Variants in OPTN observed in about 807,000 individuals in gnomAD.
OPTN encodes optineurin.
In OPTN, 54 loss-of-function variants were observed where a neutral mutation model predicts 70.4. That is an observed-to-expected ratio of 0.77 (90% confidence interval 0.62 to 0.96). The LOEUF is 0.96. Among genes scored for constraint, OPTN ranks in the 40% least tolerant of loss-of-function variants. OPTN has a pLI of 0.00. For missense variants in OPTN, 624 were observed against 673.2 expected (o/e 0.93, Z 0.81); for synonymous variants, 256 against 248.5 (o/e 1.03, Z -0.28).
chr10:13,115,476 TA>T (rs1564359887), intron 5 of OPTN, among the ~76,000 whole-genome samples: 8 of 101,932 alleles, frequency 7.8e-5, no homozygotes, highest in African/African-American at 2.6e-4. Context: ...ATAGAATATA[TA>T]TAATATATTC....
intron 14 of OPTN, among the ~76,000 whole-genome samples, chr10:13,134,123 T>C (rs915281537): frequency 6.6e-6 from 1 of 152,250 alleles, no homozygotes; most frequent in Admixed American, 6.5e-5. Context: ...GCCACACTTT[T>C]AAACCGTGTC....
intron 14 of OPTN, among the ~76,000 whole-genome samples, chr10:13,133,883 A>G (rs1588454298): frequency 1.3e-5 from 2 of 151,854 alleles, no homozygotes; most frequent in African/African-American, 4.8e-5. Context: ...ATCTCGGCTC[A>G]CTGCAACCTC....
At chr10:13,115,641 T>TTA (rs1209661129) in intron 5 of OPTN, among the ~76,000 whole-genome samples, 2 of 139,704 alleles carry the variant, frequency 1.4e-5, no homozygotes, top group Non-Finnish European at 1.5e-5. Context: ...TCTAAATATA[T>TTA]TATATATATA....
At chr10:13,136,032 T>C (rs935145149) in intron 14 of OPTN, among the ~76,000 whole-genome samples, 1 of 151,752 alleles carries the variant, frequency 6.6e-6, no homozygotes, top group African/African-American at 2.4e-5. Flanking sequence ...ACAAAAATTT[T>C]AAAAACTAGC....
intron 10 of OPTN, 39 bp downstream of exon 10, chr10:13,125,606 G>A (rs1588447772): frequency 6.2e-7 from 1 of 1,612,356 alleles, no homozygotes; most frequent in Non-Finnish European, 8.5e-7. Flanking sequence ...ACGGGGCAGA[G>A]GAGGGAGAAT....
Position 13,127,792 on chromosome 10 carries a change from G to A in OPTN, c.1290G>A (p.Leu430=). The change falls in exon 12 of 15, where the codon CTG becomes CTA. Residue 430 remains leucine (L), a synonymous_variant. Transcript: ENST00000378747. ...RAVLKELSEK[L]ELAEKALASK... ...TGCTGAAGGAACTGAGTGAAAAACT[G>A]GAACTGGCAGAGAAGGCTCTGGCTT... The A allele has an allele frequency of 6.2e-7, 1 of 1,614,158 alleles. No homozygotes were observed. Among genetic ancestry groups the A allele is most frequent in the Non-Finnish European group, 8.5e-7 (1 of 1,180,014 alleles).
At chr10:13,126,207 CAT>C (rs1833456437) in intron 11 of OPTN, among the ~76,000 whole-genome samples, 168 bp downstream of exon 11, 1 of 151,856 alleles carries the variant, frequency 6.6e-6, no homozygotes, top group Non-Finnish European at 1.5e-5. Flanking sequence ...TGATGTTCCA[CAT>C]ATGTGTAATG....
chr10:13,124,566 TTG>T (rs1287163608), intron 9 of OPTN, among the ~76,000 whole-genome samples: 1 of 152,354 alleles, frequency 6.6e-6, no homozygotes, highest in East Asian at 1.9e-4. Context: ...TGGCATTTGC[TTG>T]TTTCTCTTGA....
chr10:13,104,116 T>A (rs1011826550), intron 1 of OPTN, among the ~76,000 whole-genome samples: 2 of 152,204 alleles, frequency 1.3e-5, no homozygotes, highest in African/African-American at 4.8e-5. Flanking sequence ...GAATGAAGCT[T>A]TCTGTAACTG....
rs907256906 is a variant in OPTN, at chr10:13,138,155, G to C, written c.*1289G>C. ...GTGTGAGTTAGAAGTCATTCTTGCT[G>C]AGAAGGTGAATAGGTAGGGATTTGC... On this transcript the variant is annotated 3_prime_UTR_variant, in exon 15 of 15. Coordinates refer to ENST00000378747, the MANE Select transcript of OPTN (RefSeq NM_001008212.2). 5.1e-6 allele frequency: 1 copy of C among 195,306 alleles called. No homozygotes were observed. The highest frequency in any genetic ancestry group is 1.1e-5 in the Non-Finnish European group (1 of 93,972). 12.1% of individuals were successfully genotyped at this position (195,306 alleles called of 1,614,324 possible).
At chr10:13,103,757 C>G (rs866203893) in intron 1 of OPTN, among the ~76,000 whole-genome samples, 2 of 151,552 alleles carry the variant, frequency 1.3e-5, no homozygotes, top group African/African-American at 4.9e-5. Flanking sequence ...CACACACACA[C>G]ACACACACAC....
chr10:13,121,593 G>A (rs1377412993), intron 7 of OPTN, among the ~76,000 whole-genome samples: 1 of 149,972 alleles, frequency 6.7e-6, no homozygotes, highest in Non-Finnish European at 1.5e-5. Flanking sequence ...GGAAAGCTAA[G>A]GCCCCACCTT....
intron 8 of OPTN, 148 bp downstream of exon 8, chr10:13,122,635 G>A: frequency 1.4e-6 from 1 of 710,640 alleles, no homozygotes; most frequent in South Asian, 1.5e-5. Context: ...CCTTTTATAT[G>A]TCCTTGTCCT....
chr10:13,112,370 G>A, intron 4 of OPTN, 83 bp from the exon 5 acceptor site: 1 of 1,351,280 alleles, frequency 7.4e-7, no homozygotes, highest in East Asian at 2.4e-5. Context: ...CAGCCTCCCA[G>A]AGCTCTGCGA....
intron 7 of OPTN, among the ~76,000 whole-genome samples, chr10:13,121,843 G>T (rs34275587): frequency 6.6e-6 from 1 of 151,932 alleles, no homozygotes; most frequent in Non-Finnish European, 1.5e-5. Context: ...AGTTTGGGCT[G>T]GGAAAAAAAT....
chr10:13,107,575 G>T (rs1564353724), intron 1 of OPTN, among the ~76,000 whole-genome samples: 1 of 151,350 alleles, frequency 6.6e-6, no homozygotes, highest in Non-Finnish European at 1.5e-5. Context: ...TAGAGACAGG[G>T]TTTCACCGTG....
intron 4 of OPTN, 134 bp from the exon 5 acceptor site, chr10:13,112,319 G>A: frequency 1.2e-6 from 1 of 802,510 alleles, no homozygotes; most frequent in Non-Finnish European, 2.1e-6. Flanking sequence ...ATGTTGCCCA[G>A]GCTGGTCTCA....
At chr10:13,112,684 CT>C in intron 5 of OPTN, 49 bp downstream of exon 5, 2 of 1,561,436 alleles carry the variant, frequency 1.3e-6, no homozygotes, top group East Asian at 2.2e-5. Flanking sequence ...AAAGCCTCCC[CT>C]GGAAAGATGA....
chr10:13,121,312 AAGAATTTT>A (rs542907981), intron 7 of OPTN, among the ~76,000 whole-genome samples: 115 of 152,112 alleles, frequency 7.6e-4, no homozygotes, highest in African/African-American at 2.5e-3. Context: ...GCTGTTGCGT[AAGAATTTT>A]AGGATCAGCT....
Sources: allele counts gnomAD v4.1 joint callset (sites outside exome capture counted in the v4.1 genomes callset), GRCh38; gene constraint gnomAD v4.1.1; transcripts MANE v1.5; gene names NCBI Gene and HGNC (gene_info 2026-07-23, HGNC 2026-07-21).